TRERF1: variants seen among roughly 807,000 people sequenced by gnomAD.
TRERF1 encodes the protein transcriptional regulating factor 1.
In TRERF1, 27 loss-of-function variants were observed where a neutral mutation model predicts 122.9. The ratio of observed to expected loss-of-function variants is 0.22; its 90% confidence interval spans 0.16 to 0.30. The LOEUF (loss-of-function observed/expected upper bound fraction) is 0.30. Ranked by LOEUF, TRERF1 falls within the 10% of genes least tolerant of loss-of-function variation. The pLI is 1.00. For synonymous variants in TRERF1, 636 were observed against 641.7 expected (o/e 0.99, Z 0.13); for missense variants, 1,248 against 1,560.3 (o/e 0.80, Z 3.37).
chr6:42,270,490 T>C (rs1780022090), intron 4 of TRERF1, among the ~76,000 whole-genome samples: 1 of 152,262 alleles, frequency 6.6e-6, no homozygotes, highest in Non-Finnish European at 1.5e-5. Context: ...TCAATTTATC[T>C]GTTCAACACA....
chr6:42,368,419 A>C (rs1160975880), intron 2 of TRERF1, among the ~76,000 whole-genome samples: 2 of 152,172 alleles, frequency 1.3e-5, no homozygotes, highest in African/African-American at 4.8e-5. Context: ...CCTTTTTAAA[A>C]AAATGACTCA....
intron 2 of TRERF1, among the ~76,000 whole-genome samples, chr6:42,416,794 G>A (rs765652987): frequency 1.3e-5 from 2 of 152,094 alleles, no homozygotes; most frequent in Non-Finnish European, 2.9e-5. Context: ...AAACCATCTG[G>A]TCCTGGGACT....
rs143934448 is a variant in TRERF1, at chr6:42,419,668, G to T, written c.-454+31509C>A. On this transcript the variant is annotated intron_variant, in intron 2 of 17. Transcript: ENST00000372922. ...AGGTCCCTAGTGGCTGGCACCCACG[G>T]ATTTGGAGAATGTCCTATACTTGGG... is the stretch of plus-strand genomic sequence containing the variant. 2.7e-3 allele frequency among the ~76,000 whole-genome samples: 405 copies of T among 152,286 alleles called. 2 individuals are homozygous for T. The highest frequency in any genetic ancestry group is 9.3e-3 in the African/African-American group (387 of 41,558).
At chr6:42,427,627 G>A (rs1234110012) in intron 2 of TRERF1, among the ~76,000 whole-genome samples, 1 of 150,406 alleles carries the variant, frequency 6.6e-6, no homozygotes, top group African/African-American at 2.5e-5. Flanking sequence ...TCGGCTCACT[G>A]CAGCCTCCAC....
At chr6:42,362,290 A>C (rs371635623) in intron 3 of TRERF1, among the ~76,000 whole-genome samples, 201 of 152,376 alleles carry the variant, frequency 1.3e-3, no homozygotes, top group African/African-American at 4.6e-3. Context: ...GGAGGAATGG[A>C]AAGCGTGGCA....
At chr6:42,426,611 A>G (rs1163628282) in intron 2 of TRERF1, among the ~76,000 whole-genome samples, 1 of 152,232 alleles carries the variant, frequency 6.6e-6, no homozygotes, top group Non-Finnish European at 1.5e-5. Context: ...TCTAACAAAG[A>G]GGTGGAAGCC....
chr6:42,450,161 T>C (rs531052542), intron 2 of TRERF1, among the ~76,000 whole-genome samples: 23 of 152,316 alleles, frequency 1.5e-4, no homozygotes, highest in Admixed American at 4.6e-4. Flanking sequence ...CCTGCTGTTA[T>C]CCTCTCCAGT....
intron 2 of TRERF1, among the ~76,000 whole-genome samples, chr6:42,411,853 A>G (rs565580476): frequency 6.6e-6 from 1 of 152,322 alleles, no homozygotes; most frequent in East Asian, 1.9e-4. Flanking sequence ...CTTTGAATAA[A>G]TGTCTGAAAA....
intron 2 of TRERF1, among the ~76,000 whole-genome samples, chr6:42,396,259 G>T (rs142718754): frequency 2.6e-5 from 4 of 152,132 alleles, no homozygotes; most frequent in Non-Finnish European, 5.9e-5. Flanking sequence ...AGCTTCAGGA[G>T]CTGAGAAATA....
intron 4 of TRERF1, among the ~76,000 whole-genome samples, chr6:42,277,382 T>C (rs550337707): frequency 9.3e-5 from 14 of 149,766 alleles, no homozygotes; most frequent in Admixed American, 6.6e-4. Context: ...GGGTTGCCAG[T>C]TGCCCTTTTC....
intron 3 of TRERF1, among the ~76,000 whole-genome samples, chr6:42,352,377 CCA>C (rs1769633834): frequency 6.6e-6 from 1 of 152,140 alleles, no homozygotes; most frequent in African/African-American, 2.4e-5. Context: ...AGGAAAACAA[CCA>C]AATTTTATCT....
intron 3 of TRERF1, among the ~76,000 whole-genome samples, chr6:42,325,065 C>A (rs1764060179): frequency 6.6e-6 from 1 of 151,856 alleles, no homozygotes; most frequent in Non-Finnish European, 1.5e-5. Context: ...AGAAAAAAAA[C>A]AAATAACCCC....
At chr6:42,412,000 C>CTTT (rs5875801) in intron 2 of TRERF1, among the ~76,000 whole-genome samples, 50 of 125,224 alleles carry the variant, frequency 4.0e-4, no homozygotes, top group East Asian at 9.2e-4. Flanking sequence ...TTAAAAAATC[C>CTTT]TTTTTTTTTT....
chr6:42,225,036 T>C (rs965331844), downstream of TRERF1: 2 of 152,132 alleles, frequency 1.3e-5, no homozygotes, highest in African/African-American at 4.8e-5. Flanking sequence ...CTCCATTTGA[T>C]GAATGCCCAT....
chr6:42,343,847 C>A (rs930711910), intron 3 of TRERF1, among the ~76,000 whole-genome samples: 6 of 152,226 alleles, frequency 3.9e-5, no homozygotes, highest in African/African-American at 1.4e-4. Context: ...TAAGCAGGAT[C>A]TTTATAAGCT....
At chr6:42,241,920 C>T (rs148974690) in intron 15 of TRERF1, among the ~76,000 whole-genome samples, 1 of 152,140 alleles carries the variant, frequency 6.6e-6, no homozygotes, top group African/African-American at 2.4e-5. Context: ...CAAAGTGAGA[C>T]GTTGTCTCTA....
chr6:42,340,776 A>G (rs1562022373), intron 3 of TRERF1, among the ~76,000 whole-genome samples: 1 of 152,172 alleles, frequency 6.6e-6, no homozygotes, highest in African/African-American at 2.4e-5. Flanking sequence ...GCAAAAAAGA[A>G]AACTCTTCTC....
At chr6:42,436,814 A>AAAAAT (rs61427173) in intron 2 of TRERF1, among the ~76,000 whole-genome samples, 34 of 66,684 alleles carry the variant, frequency 5.1e-4, no homozygotes, top group South Asian at 3.6e-3. Flanking sequence ...AAAAAAAAAA[A>AAAAAT]ATATATATAT....
chr6:42,374,150 A>AGAAGAAGAAGAAG (rs1554193490), intron 2 of TRERF1, among the ~76,000 whole-genome samples: 5 of 143,962 alleles, frequency 3.5e-5, no homozygotes, highest in African/African-American at 1.3e-4. Flanking sequence ...AAAAAAAAAA[A>AGAAGAAGAAGAAG]AAGAAGAAGA....
Sources: gnomAD v4.1 joint callset for allele counts (sites outside exome capture counted in the v4.1 genomes callset) on GRCh38, gnomAD v4.1.1 for gene constraint, MANE v1.5 for transcripts, NCBI Gene and HGNC (gene_info 2026-07-23, HGNC 2026-07-21) for gene names.